SHANK2: variants seen among roughly 807,000 people sequenced by gnomAD.
The protein encoded by SHANK2 is SH3 and multiple ankyrin repeat domains protein 2.
In SHANK2, 43 loss-of-function variants were observed where a neutral mutation model predicts 133.7. That is an observed-to-expected ratio of 0.32 (90% CI 0.25 to 0.41). SHANK2 has a LOEUF of 0.41. Among genes scored for constraint, SHANK2 ranks in the 10% least tolerant of loss-of-function variants. The pLI, the probability that SHANK2 is intolerant of heterozygous loss-of-function variation, is 1.00. For synonymous variants in SHANK2, 1,017 were observed against 952.8 expected (o/e 1.07, Z -1.24); for missense variants, 1,994 against 2,235.8 (o/e 0.89, Z 2.18).
chr11:70,710,984 CAG>C (rs1204098730), intron 14 of SHANK2, among the ~76,000 whole-genome samples: 1 of 152,148 alleles, frequency 6.6e-6, no homozygotes, highest in Non-Finnish European at 1.5e-5. Context: ...TCACCCAAGA[CAG>C]AGATTGAAAA....
chr11:71,106,665 G>A (rs184927914), intron 6 of SHANK2, among the ~76,000 whole-genome samples: 44 of 152,240 alleles, frequency 2.9e-4, no homozygotes, highest in African/African-American at 1.0e-3. Context: ...GAATTCCAGC[G>A]GCAGAATTCC....
At chr11:70,811,824 CCATT>C (rs1195242353) in intron 12 of SHANK2, among the ~76,000 whole-genome samples, 1 of 152,072 alleles carries the variant, frequency 6.6e-6, no homozygotes, top group East Asian at 1.9e-4. Context: ...CATCCATCCA[CCATT>C]CATTCATCCA....
At position 70,591,261 on chromosome 11, in the gene SHANK2, A is replaced by G. The variant is rs1704045819; in HGVS notation, c.2061+68567T>C. Among the ~76,000 whole-genome samples the G allele has an allele frequency of 2.0e-5, 3 of 152,260 alleles. No individual in the cohort carries two copies. In the South Asian group the frequency reaches 6.2e-4, roughly 32 times the overall value. Reference sequence around the variant, plus strand: ...CAGCTACTAGGGAGATTGAGGCAGGAGAATCGCTTGAATCTGGGAGGCAGA... The same window carrying G: ...CAGCTACTAGGGAGATTGAGGCAGGGGAATCGCTTGAATCTGGGAGGCAGA... On this transcript the variant is annotated intron_variant, in intron 17 of 25. Transcript: ENST00000601538.
chr11:71,232,316 A>T (rs1480371434), intron 1 of SHANK2, among the ~76,000 whole-genome samples: 1 of 152,216 alleles, frequency 6.6e-6, no homozygotes, highest in East Asian at 1.9e-4. Flanking sequence ...CCGCGTCAAC[A>T]TCAGCATCCC....
intron 14 of SHANK2, among the ~76,000 whole-genome samples, chr11:70,796,906 G>A (rs1372356612): frequency 2.0e-5 from 3 of 152,154 alleles, no homozygotes; most frequent in Admixed American, 2.0e-4. Context: ...CCCAGCACCA[G>A]GATAGTTGAC....
chr11:70,799,123 C>A (rs1487005275), intron 13 of SHANK2, among the ~76,000 whole-genome samples: 1 of 151,784 alleles, frequency 6.6e-6, no homozygotes, highest in African/African-American at 2.4e-5. Flanking sequence ...GAGGTCTGGG[C>A]GCGGTGGCTC....
intron 15 of SHANK2, among the ~76,000 whole-genome samples, chr11:70,691,069 A>G (rs1230392200): frequency 2.6e-5 from 4 of 152,142 alleles, no homozygotes; most frequent in Non-Finnish European, 5.9e-5. Flanking sequence ...TCTGTAGTTT[A>G]ATTAATTACT....
chr11:71,092,750 G>A (rs1951540468), intron 7 of SHANK2, among the ~76,000 whole-genome samples, 161 bp from the exon 8 acceptor site: 1 of 152,178 alleles, frequency 6.6e-6, no homozygotes, highest in South Asian at 2.1e-4. Flanking sequence ...ATTAAGAAGG[G>A]TATAACCTGG....
intron 17 of SHANK2, among the ~76,000 whole-genome samples, chr11:70,606,751 C>T (rs142760731): frequency 3.7e-4 from 57 of 152,166 alleles, no homozygotes; most frequent in Admixed American, 1.8e-3. Flanking sequence ...TGGAATGGAC[C>T]GTCTGCTCCT....
rs890536840 is a variant in SHANK2 at position 71,060,449 on chromosome 11, G to A, written c.1030-3891C>T. 2.4e-4 allele frequency among the ~76,000 whole-genome samples: 37 copies of A among 152,358 alleles called. 1 individual carries two copies. Among genetic ancestry groups the A allele is most frequent in the African/African-American group, 8.2e-4 (34 of 41,594 alleles). On this transcript the variant is annotated intron_variant, in intron 9 of 25. Coordinates refer to ENST00000601538, the MANE Select transcript of SHANK2 (RefSeq NM_012309.5). ...AGCCCACTGGCCCCTGGCCCCAGCCGGTCAGGCCTCAAGGGGGGACGCCAA... is the reference window on the plus strand; with the variant it reads ...AGCCCACTGGCCCCTGGCCCCAGCCAGTCAGGCCTCAAGGGGGGACGCCAA...
intron 17 of SHANK2, among the ~76,000 whole-genome samples, chr11:70,522,910 C>T (rs1234926169): frequency 1.4e-4 from 21 of 152,250 alleles, no homozygotes; most frequent in Admixed American, 2.6e-4. Context: ...ACAGTTGCCC[C>T]GGCAACGTGC....
intron 17 of SHANK2, among the ~76,000 whole-genome samples, chr11:70,618,073 G>A (rs1212952975): frequency 2.6e-5 from 4 of 152,126 alleles, no homozygotes; most frequent in African/African-American, 9.7e-5. Flanking sequence ...GAGGCAGGTG[G>A]ATCACTTGAA....
intron 9 of SHANK2, among the ~76,000 whole-genome samples, chr11:71,057,652 C>T (rs1950936036): frequency 1.3e-5 from 2 of 151,964 alleles, no homozygotes; most frequent in Admixed American, 6.6e-5. Flanking sequence ...TGGGCTCAGG[C>T]AATTCTCCCC....
Position 71,183,333 on chromosome 11 carries a change from T to C in SHANK2, c.-12-35995A>G, listed in dbSNP as rs1048580046. 6.6e-5 allele frequency among the ~76,000 whole-genome samples: 10 copies of C among 152,128 alleles called. No homozygotes were observed. The East Asian group carries it at 1.9e-3, about 29-fold the overall frequency. On this transcript the variant is annotated intron_variant, in intron 2 of 25. Transcript: ENST00000601538. ...GACTCATGCTGTGGGTGAAACTCAC[T>C]CTCCCCCGGGTGAGCAGAGAGGGGC...
chr11:70,789,490 C>T, intron 14 of SHANK2, among the ~76,000 whole-genome samples: 1 of 152,118 alleles, frequency 6.6e-6, no homozygotes, highest in East Asian at 1.9e-4. Context: ...CACCTTCTAC[C>T]CAGTCGAGAC....
At chr11:70,559,330 AT>A (rs1333316623) in intron 17 of SHANK2, among the ~76,000 whole-genome samples, 2 of 151,908 alleles carry the variant, frequency 1.3e-5, no homozygotes, top group Non-Finnish European at 2.9e-5. Flanking sequence ...CATAGACCCT[AT>A]TTTTTTTAGA....
intron 2 of SHANK2, among the ~76,000 whole-genome samples, chr11:71,186,732 T>C (rs2135564320): frequency 6.6e-6 from 1 of 152,376 alleles, no homozygotes; most frequent in Non-Finnish European, 1.5e-5. Flanking sequence ...CTTTTCGGGT[T>C]AGTGGCACAT....
At chr11:70,825,402 G>C (rs1418973676) in intron 11 of SHANK2, among the ~76,000 whole-genome samples, 2 of 152,200 alleles carry the variant, frequency 1.3e-5, no homozygotes, top group Non-Finnish European at 2.9e-5. Flanking sequence ...CTAAGACTCT[G>C]TCAGAAGAGT....
chr11:70,527,688 G>A (rs1477191808), intron 17 of SHANK2, among the ~76,000 whole-genome samples: 1 of 152,206 alleles, frequency 6.6e-6, no homozygotes, highest in Non-Finnish European at 1.5e-5. Context: ...GGCCATTCAT[G>A]TGGCCTCTCA....
Sources: allele counts gnomAD v4.1 joint callset (sites outside exome capture counted in the v4.1 genomes callset), GRCh38; gene constraint gnomAD v4.1.1; transcripts MANE v1.5; gene names NCBI Gene and HGNC (gene_info 2026-07-23, HGNC 2026-07-21).